The following MARCHF6 variants were observed in gnomAD, a reference collection of about 807,000 sequenced individuals.
MARCHF6 encodes the protein membrane associated ring-CH-type finger 6, also known as E3 ubiquitin-protein ligase MARCHF6.
MARCHF6 carries 31 observed loss-of-function variants against 133.7 expected under a neutral mutation model. That is an observed-to-expected ratio of 0.23 (90% CI 0.17 to 0.31). The LOEUF (loss-of-function observed/expected upper bound fraction) is 0.31, where lower values mean the gene tolerates loss of function less well. Ranked by LOEUF, MARCHF6 falls within the 10% of genes least tolerant of loss-of-function variation. The pLI is 1.00. For synonymous variants in MARCHF6, 395 were observed against 402.5 expected, an observed-to-expected ratio of 0.98 and a Z score of 0.22; for missense variants, 723 against 1,121.6, an observed-to-expected ratio of 0.64 and a Z score of 5.08.
rs1205098891 is a variant in MARCHF6, at chr5:10,353,928, G to C, written c.19+11G>C. 5 of 1,551,974 alleles carry C rather than the reference G, an allele frequency of 3.2e-6. No homozygotes were observed. Among genetic ancestry groups the C allele is most frequent in the Non-Finnish European group, 3.5e-6 (4 of 1,153,894 alleles). On this transcript the variant is annotated intron_variant, in intron 1 of 25. Transcript: ENST00000274140. ...ACACCGCGGAGGAAGGTAAGTCGGC[G>C]ACGCGCGGCGCCCGAGCCCTTGCGT...
chr5:10,380,155 T>G (rs1020122504), intron 3 of MARCHF6, among the ~76,000 whole-genome samples: 24 of 145,852 alleles, frequency 1.6e-4, no homozygotes, highest in Admixed American at 1.1e-3. Flanking sequence ...TGTGTTTTAG[T>G]TGTGTGTGTG....
chr5:10,415,150 T>C (rs1292182705), intron 20 of MARCHF6, among the ~76,000 whole-genome samples: 2 of 152,232 alleles, frequency 1.3e-5, no homozygotes, highest in Non-Finnish European at 2.9e-5. Context: ...TGTCCTATTA[T>C]TTGCATAACA....
At chr5:10,420,923 C>A (rs1411076945) in intron 22 of MARCHF6, among the ~76,000 whole-genome samples, 1 of 152,216 alleles carries the variant, frequency 6.6e-6, no homozygotes, top group Non-Finnish European at 1.5e-5. Context: ...CAAATTCCTG[C>A]TTCTTAAATC....
At chr5:10,426,276 G>A in intron 23 of MARCHF6, 114 bp from the exon 24 acceptor site, 2 of 1,201,148 alleles carry the variant, frequency 1.7e-6, no homozygotes, top group Non-Finnish European at 2.4e-6. Flanking sequence ...TTTAGAAGAA[G>A]TAACCAGTTT....
Position 10,407,194 on chromosome 5 carries a change from G to A in MARCHF6, c.1545G>A (p.Met515Ile). Reference sequence around the variant, plus strand: ...CTAATTTTCTTCCATACAATGTCATGCTCTACAGGTAAGTTTTAAAAATTT... The same window carrying A: ...CTAATTTTCTTCCATACAATGTCATACTCTACAGGTAAGTTTTAAAAATTT... ...VLPNFLPYNV[M>I]LYSDAPVSEL... The change falls in exon 17 of 26, where the codon ATG becomes ATA. Residue 515 changes from methionine (M) to isoleucine (I), a missense_variant. Met to Ile is a conservative substitution (Grantham distance 10). Around this residue, in one of 4 missense-constraint regions of MARCHF6, gnomAD observed 492 missense variants for 699.5 expected, o/e 0.70. Transcript: ENST00000274140. 6.3e-7 allele frequency: 1 copy of A among 1,598,432 alleles called. No individual in the cohort carries two copies. The highest frequency in any genetic ancestry group is 8.6e-7 in the Non-Finnish European group (1 of 1,168,312).
At chr5:10,397,578 G>C (rs903688327) in intron 10 of MARCHF6, among the ~76,000 whole-genome samples, 1 of 151,774 alleles carries the variant, frequency 6.6e-6, no homozygotes, top group Non-Finnish European at 1.5e-5. Flanking sequence ...GGCATTTCTG[G>C]GTTTTTTTTT....
rs1433028613 is a variant in MARCHF6, at chr5:10,435,177, C to T, written c.*1493C>T. 3 of 152,542 alleles carry T rather than the reference C, an allele frequency of 2.0e-5. No homozygotes were observed. The highest frequency in any genetic ancestry group is 4.4e-5 in the Non-Finnish European group (3 of 68,032). The allele number at this position is 152,542 out of a possible 1,614,324, so 9.4% of individuals were successfully genotyped here. A position where few individuals can be genotyped will look rare whatever the true frequency, so the allele number is the denominator to read the frequency against. ...TGAGAATTTTTTAACATATGCAAGT[C>T]AGCCAAACATAAGCTACCAAAATAA... On this transcript the variant is annotated 3_prime_UTR_variant, in exon 26 of 26. Transcript: ENST00000274140.
At chr5:10,406,688 T>G (rs1279256825) in intron 16 of MARCHF6, among the ~76,000 whole-genome samples, 1 of 152,184 alleles carries the variant, frequency 6.6e-6, no homozygotes, top group Non-Finnish European at 1.5e-5. Flanking sequence ...AATCTAAGTT[T>G]TTCTAAAATA....
At chr5:10,428,662 C>T (rs190886981) in intron 24 of MARCHF6, among the ~76,000 whole-genome samples, 1 of 152,210 alleles carries the variant, frequency 6.6e-6, no homozygotes, top group East Asian at 1.9e-4. Flanking sequence ...TAGTTGAATA[C>T]GTCTTTAAAA....
rs1414937343 is a variant in MARCHF6 at position 10,434,760 on chromosome 5, G to T, written c.*1076G>T. On this transcript the variant is annotated 3_prime_UTR_variant, in exon 26 of 26. Coordinates refer to ENST00000274140, the MANE Select transcript of MARCHF6 (RefSeq NM_005885.4). ...GAGGACTAGGTGTGCATTTCTCCTA[G>T]CTTTTCATCAGGAAATCCCAAAGTT... The T allele has an allele frequency of 2.0e-5, 3 of 152,508 alleles. No individual in the cohort carries two copies. The highest frequency in any genetic ancestry group is 4.4e-5 in the Non-Finnish European group (3 of 68,028). 9.4% of individuals were successfully genotyped at this position (152,508 alleles called of 1,614,324 possible).
intron 11 of MARCHF6, chr5:10,401,132 T>A (rs908178341): frequency 9.4e-6 from 3 of 318,078 alleles, no homozygotes; most frequent in African/African-American, 6.4e-5. Context: ...CAAGAACCTG[T>A]ATGTTCTCTT....
chr5:10,405,686 A>G lies in MARCHF6; in HGVS notation c.1452+9A>G, dbSNP rs747143861. 6 of 1,568,470 alleles carry G rather than the reference A, an allele frequency of 3.8e-6. No individual in the cohort carries two copies. The African/African-American group carries it at 7.0e-5, about 18-fold the overall frequency. On this transcript the variant is annotated intron_variant, in intron 16 of 25. Coordinates refer to ENST00000274140, the MANE Select transcript of MARCHF6 (RefSeq NM_005885.4). ...GATTTATTTTGTCAGTGGTAAGAAG[A>G]TGTTTCCATTGTTTTTTTTTTTTGA...
chr5:10,361,959 C>A (rs537915059), intron 1 of MARCHF6, among the ~76,000 whole-genome samples: 1 of 152,208 alleles, frequency 6.6e-6, no homozygotes, highest in South Asian at 2.1e-4. Flanking sequence ...GATGGGGTTT[C>A]TCCATGTTGG....
Position 10,394,260 on chromosome 5 carries a change from A to G in MARCHF6, c.828+117A>G. On this transcript the variant is annotated intron_variant, in intron 8 of 25. Coordinates refer to ENST00000274140, the MANE Select transcript of MARCHF6 (RefSeq NM_005885.4). Reference sequence around the variant, plus strand: ...GTTACAGTTGATGAAAAGTTACTAGAATTTTCATTCCTAGTGAAAGTTAAG... The same window carrying G: ...GTTACAGTTGATGAAAAGTTACTAGGATTTTCATTCCTAGTGAAAGTTAAG... 7.6e-6 allele frequency: 4 copies of G among 528,740 alleles called. No homozygotes were observed. The South Asian group carries it at 2.2e-4, about 29-fold the overall frequency. The allele number at this position is 528,740 out of a possible 1,614,324, so 32.8% of individuals were successfully genotyped here.
At chr5:10,374,790 G>A (rs1333080167) in intron 1 of MARCHF6, among the ~76,000 whole-genome samples, 1 of 152,246 alleles carries the variant, frequency 6.6e-6, no homozygotes, top group Admixed American at 6.5e-5. Context: ...GGAAACCAGA[G>A]CCCTTTGGGT....
At chr5:10,414,889 A>G (rs531385836) in intron 20 of MARCHF6, among the ~76,000 whole-genome samples, 1 of 152,380 alleles carries the variant, frequency 6.6e-6, no homozygotes, top group East Asian at 1.9e-4. Context: ...GCACTCCCTT[A>G]GACTGCTCTC....
chr5:10,430,300 T>G (rs368855955), intron 25 of MARCHF6, among the ~76,000 whole-genome samples: 49 of 134,680 alleles, frequency 3.6e-4, no homozygotes, highest in South Asian at 4.7e-4. Context: ...TTTTTTTTGG[T>G]GGTGGTTTTT....
intron 10 of MARCHF6, among the ~76,000 whole-genome samples, chr5:10,399,504 A>G (rs1405170484): frequency 6.6e-6 from 1 of 152,078 alleles, no homozygotes; most frequent in Non-Finnish European, 1.5e-5. Context: ...AGAAAAGATA[A>G]CTATATTTTA....
chr5:10,380,437 A>T (rs1011484106), intron 3 of MARCHF6, among the ~76,000 whole-genome samples: 24 of 152,302 alleles, frequency 1.6e-4, no homozygotes, highest in African/African-American at 5.8e-4. Flanking sequence ...AATTCAGTTG[A>T]TAGGAAATAT....
Sources: gnomAD v4.1 joint callset for allele counts (sites outside exome capture counted in the v4.1 genomes callset) on GRCh38, gnomAD v4.1.1 for gene constraint, gnomAD v4.1.1 regional missense constraint, MANE v1.5 for transcripts, NCBI Gene and HGNC (gene_info 2026-07-23, HGNC 2026-07-21) for gene names.